Variants in SLC7A11 observed in about 807,000 individuals in gnomAD.
The protein encoded by SLC7A11 is solute carrier family 7 member 11.
Under a neutral mutation model 54.5 loss-of-function variants are expected in SLC7A11, and 35 were observed. The observed-to-expected ratio is 0.64, with a 90% confidence interval of 0.49 to 0.85. The LOEUF is 0.85. Ranked by LOEUF, SLC7A11 falls within the 40% of genes least tolerant of loss-of-function variation. The probability of loss-of-function intolerance (pLI) is 0.00; values close to 1 mark genes in which losing one functional copy is unlikely to be tolerated. For missense variants in SLC7A11, 583 were observed against 618.1 expected (o/e 0.94, Z 0.60); for synonymous variants, 230 against 225.2 (o/e 1.02, Z -0.19).
chr4:138,224,063 T>C (rs1334039928), intron 3 of SLC7A11, among the ~76,000 whole-genome samples: 1 of 152,180 alleles, frequency 6.6e-6, no homozygotes, highest in Non-Finnish European at 1.5e-5. Flanking sequence ...CTTCGACACC[T>C]TGTGGACCAT....
chr4:138,196,244 A>C (rs1399988030), intron 6 of SLC7A11, among the ~76,000 whole-genome samples: 3 of 152,182 alleles, frequency 2.0e-5, no homozygotes, highest in African/African-American at 7.2e-5. Flanking sequence ...ACACCTGAAC[A>C]CTTCTCCATA....
At chr4:138,227,860 T>A (rs1287428708) in intron 3 of SLC7A11, among the ~76,000 whole-genome samples, 1 of 152,228 alleles carries the variant, frequency 6.6e-6, no homozygotes, top group African/African-American at 2.4e-5. Flanking sequence ...ATGTGATAGT[T>A]GTTCTGCAGT....
At chr4:138,206,131 T>A in intron 6 of SLC7A11, among the ~76,000 whole-genome samples, 1 of 151,966 alleles carries the variant, frequency 6.6e-6, no homozygotes, top group Middle Eastern at 3.2e-3. Context: ...GATCTCTGCA[T>A]CTGGTTAAAA....
chr4:138,181,741 C>G (rs369270178), intron 9 of SLC7A11, among the ~76,000 whole-genome samples: 1 of 152,114 alleles, frequency 6.6e-6, no homozygotes, highest in African/African-American at 2.4e-5. Context: ...ACATTTCACA[C>G]TTTGCTCTGC....
chr4:138,180,810 C>A lies in SLC7A11; in HGVS notation c.1117-20G>T, dbSNP rs1363118474. The A allele has an allele frequency of 1.9e-6, 3 of 1,604,260 alleles. No individual in the cohort carries two copies. The South Asian group carries it at 3.3e-5, about 18-fold the overall frequency. ...AGGGTGCTGAGGGGGGAAAGGGAAG[C>A]AAGCTTGGTGAATTCAGTGAAAACA... On this transcript the variant is annotated intron_variant, in intron 9 of 11. Coordinates refer to ENST00000280612, the MANE Select transcript of SLC7A11 (RefSeq NM_014331.4).
chr4:138,182,750 G>T (rs1736778857), intron 8 of SLC7A11, among the ~76,000 whole-genome samples: 1 of 151,954 alleles, frequency 6.6e-6, no homozygotes, highest in Non-Finnish European at 1.5e-5. Flanking sequence ...CACATCCACA[G>T]GTACACACAC....
At chr4:138,202,302 A>G (rs920748221) in intron 6 of SLC7A11, among the ~76,000 whole-genome samples, 1 of 152,070 alleles carries the variant, frequency 6.6e-6, no homozygotes, top group African/African-American at 2.4e-5. Flanking sequence ...CACTCTACTT[A>G]AGGTGATCCC....
At chr4:138,175,891 T>G (rs1736559624) in intron 11 of SLC7A11, 1 of 152,192 alleles carries the variant, frequency 6.6e-6, no homozygotes, top group African/African-American at 2.4e-5. Context: ...GATCTACTCA[T>G]GCATTATCAG....
At chr4:138,194,809 G>A (rs78947147) in intron 6 of SLC7A11, among the ~76,000 whole-genome samples, 2,574 of 152,144 alleles carry the variant, frequency 0.017, 61 homozygotes, top group African/African-American at 0.059. Flanking sequence ...AGTTGACAAG[G>A]GTGTTGAATT....
intron 6 of SLC7A11, among the ~76,000 whole-genome samples, chr4:138,205,179 C>G (rs1199016000): frequency 6.6e-6 from 1 of 151,972 alleles, no homozygotes; most frequent in Non-Finnish European, 1.5e-5. Flanking sequence ...TCTCCAAGGT[C>G]AAACAGCTAG....
At chr4:138,182,628 A>G (rs543539681) in intron 8 of SLC7A11, among the ~76,000 whole-genome samples, 1 of 152,292 alleles carries the variant, frequency 6.6e-6, no homozygotes, top group Admixed American at 6.5e-5. Context: ...GAATAGCAAT[A>G]TCTGACTCAG....
chr4:138,183,446 G>T, intron 7 of SLC7A11, 141 bp from the exon 8 acceptor site: 1 of 645,200 alleles, frequency 1.5e-6, no homozygotes, highest in Non-Finnish European at 2.8e-6. Context: ...TTTGGTTAGG[G>T]TCAGACTAAC....
chr4:138,204,747 C>G (rs1049531858), intron 6 of SLC7A11, among the ~76,000 whole-genome samples: 18 of 151,702 alleles, frequency 1.2e-4, no homozygotes, highest in Non-Finnish European at 2.7e-4. Context: ...AAAAATCTGC[C>G]AGGAAGTCAT....
At chr4:138,199,239 CT>C (rs1480678599) in intron 6 of SLC7A11, among the ~76,000 whole-genome samples, 3 of 151,910 alleles carry the variant, frequency 2.0e-5, no homozygotes, top group Non-Finnish European at 2.9e-5. Flanking sequence ...ACAGTGAGTA[CT>C]TTTATTTGAT....
At chr4:138,197,017 G>T (rs1357364653) in intron 6 of SLC7A11, among the ~76,000 whole-genome samples, 1 of 152,128 alleles carries the variant, frequency 6.6e-6, no homozygotes, top group Non-Finnish European at 1.5e-5. Flanking sequence ...ATTAAAATTT[G>T]ATTCAAATAT....
intron 3 of SLC7A11, among the ~76,000 whole-genome samples, chr4:138,224,694 G>C (rs1356743286): frequency 6.6e-6 from 1 of 151,548 alleles, no homozygotes; most frequent in Non-Finnish European, 1.5e-5. Flanking sequence ...AAAATTATGA[G>C]GCAGTTAAAT....
At chr4:138,172,123 C>T (rs1003705398) in intron 11 of SLC7A11, 106 bp from the exon 12 acceptor site, 5 of 1,140,790 alleles carry the variant, frequency 4.4e-6, no homozygotes, top group Non-Finnish European at 3.6e-6. Flanking sequence ...ACACAACTGT[C>T]TACTTCATAG....
chr4:138,233,841 T>G (rs1357469433), intron 2 of SLC7A11, among the ~76,000 whole-genome samples: 1 of 152,196 alleles, frequency 6.6e-6, no homozygotes, highest in East Asian at 1.9e-4. Context: ...TCTCCCTACT[T>G]CTTCAGTTAG....
In SLC7A11 at chr4:138,170,230, A is replaced by ATATATATATATATATATATATAT. The variant is rs1266957020; in HGVS notation, c.*1725_*1726insATATATATATATATATATATATA. The ATATATATATATATATATATATAT allele has an allele frequency of 6.9e-4, 68 of 98,254 alleles. No individual in the cohort carries two copies. Among genetic ancestry groups the ATATATATATATATATATATATAT allele is most frequent in the Non-Finnish European group, 1.2e-3 (59 of 49,748 alleles). The allele number at this position is 98,254 out of a possible 1,614,324, so 6.1% of individuals were successfully genotyped here. ...CTATATATATATATATATATATATA[A>ATATATATATATATATATATATAT]AAAGTGTGTGTGTGTGTGTGTATAT... On this transcript the variant is annotated 3_prime_UTR_variant, in exon 12 of 12. Transcript: ENST00000280612.
Sources: gnomAD v4.1 joint callset for allele counts (sites outside exome capture counted in the v4.1 genomes callset) on GRCh38, gnomAD v4.1.1 for gene constraint, MANE v1.5 for transcripts, NCBI Gene and HGNC (gene_info 2026-07-23, HGNC 2026-07-21) for gene names.